The following BCL2 variants were observed in gnomAD, a reference collection of about 807,000 sequenced individuals.
BCL2 encodes BCL2 apoptosis regulator, also known as apoptosis regulator Bcl-2.
In BCL2, 1 loss-of-function variant was observed where a neutral mutation model predicts 14.2. The observed-to-expected ratio is 0.07, with a 90% CI of 0.02 to 0.33. BCL2 has a LOEUF of 0.33. Among genes scored for constraint, BCL2 ranks in the 10% least tolerant of loss-of-function variants. The pLI, the probability that BCL2 is intolerant of heterozygous loss-of-function variation, is 0.99. For missense variants in BCL2, 247 were observed against 305.9 expected, an observed-to-expected ratio of 0.81 and a Z score of 1.44; for synonymous variants, 151 against 137.2, an observed-to-expected ratio of 1.10 and a Z score of -0.70.
intron 2 of BCL2, chr18:63,317,134 T>A (rs1913523130): frequency 1.3e-5 from 2 of 152,152 alleles, no homozygotes; most frequent in Non-Finnish European, 2.9e-5. Flanking sequence ...ATCTCACAAA[T>A]GTTCTTCAAA....
chr18:63,189,096 A>T (rs1339807271), intron 2 of BCL2, among the ~76,000 whole-genome samples: 1 of 151,296 alleles, frequency 6.6e-6, no homozygotes, highest in Non-Finnish European at 1.5e-5. Flanking sequence ...GAAATTACCA[A>T]GACAAAGGCT....
intron 2 of BCL2, among the ~76,000 whole-genome samples, chr18:63,234,979 G>T (rs1377333224): frequency 2.0e-5 from 3 of 152,050 alleles, no homozygotes; most frequent in Admixed American, 6.6e-5. Context: ...ACTCCAATAA[G>T]CCAATAAAGA....
chr18:63,146,260 G>C (rs4987819), intron 2 of BCL2, among the ~76,000 whole-genome samples: 2 of 152,180 alleles, frequency 1.3e-5, no homozygotes, highest in African/African-American at 2.4e-5. Flanking sequence ...AGTGTTGGCC[G>C]AGTGAAACAA....
At chr18:63,211,604 T>C (rs1399909223) in intron 2 of BCL2, among the ~76,000 whole-genome samples, 1 of 152,214 alleles carries the variant, frequency 6.6e-6, no homozygotes, top group Non-Finnish European at 1.5e-5. Context: ...TTTATTTTGG[T>C]GCATGGGCGG....
At chr18:63,132,778 T>G (rs1296196704) in intron 2 of BCL2, among the ~76,000 whole-genome samples, 1 of 152,236 alleles carries the variant, frequency 6.6e-6, no homozygotes, top group Non-Finnish European at 1.5e-5. Flanking sequence ...CAGTCTGTCA[T>G]TATTTGTTTG....
At chr18:63,185,422 T>A (rs922171049) in intron 2 of BCL2, among the ~76,000 whole-genome samples, 2 of 152,170 alleles carry the variant, frequency 1.3e-5, no homozygotes, top group South Asian at 2.1e-4. Context: ...AAAAAAAGTG[T>A]CCTTACAAAT....
intron 2 of BCL2, among the ~76,000 whole-genome samples, chr18:63,267,054 A>T (rs1484587133): frequency 6.6e-6 from 1 of 152,164 alleles, no homozygotes; most frequent in Non-Finnish European, 1.5e-5. Flanking sequence ...GCTTGTGCAA[A>T]GGTCAGGAGG....
At chr18:63,314,589 AGACATGAAGCT>A in intron 2 of BCL2, 1 of 152,192 alleles carries the variant, frequency 6.6e-6, no homozygotes, top group African/African-American at 2.4e-5. Context: ...CTCTCTCCTA[AGACATGAAGCT>A]GAATGTCGTC....
chr18:63,267,508 A>G (rs1911866676), intron 2 of BCL2, among the ~76,000 whole-genome samples: 1 of 152,184 alleles, frequency 6.6e-6, no homozygotes, highest in South Asian at 2.1e-4. Context: ...TGACCTCATC[A>G]GTTTGGAGGA....
intron 2 of BCL2, among the ~76,000 whole-genome samples, chr18:63,260,938 C>T (rs1378245577): frequency 1.3e-5 from 2 of 152,140 alleles, no homozygotes; most frequent in East Asian, 1.9e-4. Context: ...AGCCACTCTG[C>T]AGTACAAATC....
intron 2 of BCL2, among the ~76,000 whole-genome samples, chr18:63,200,423 C>T (rs982980761): frequency 6.6e-6 from 1 of 152,210 alleles, no homozygotes; most frequent in Non-Finnish European, 1.5e-5. Context: ...CATCTGACCC[C>T]TTACACTTTG....
At chr18:63,170,943 G>A (rs772119506) in intron 2 of BCL2, among the ~76,000 whole-genome samples, 12 of 152,202 alleles carry the variant, frequency 7.9e-5, no homozygotes, top group Non-Finnish European at 1.2e-4. Flanking sequence ...TCAGGTAGAC[G>A]CCAATGTTTT....
intron 2 of BCL2, chr18:63,315,381 AGTCTTC>A (rs1913463312): frequency 2.0e-5 from 3 of 152,234 alleles, no homozygotes; most frequent in Non-Finnish European, 2.9e-5. Context: ...TTTAATTTGT[AGTCTTC>A]TGGGACAATC....
At chr18:63,287,761 A>C (rs1194093437) in intron 2 of BCL2, among the ~76,000 whole-genome samples, 1 of 152,250 alleles carries the variant, frequency 6.6e-6, no homozygotes, top group African/African-American at 2.4e-5. Context: ...TAAAAAAATA[A>C]TAAAATAATT....
At chr18:63,294,363 T>TA (rs1418952049) in intron 2 of BCL2, among the ~76,000 whole-genome samples, 3 of 152,128 alleles carry the variant, frequency 2.0e-5, no homozygotes, top group Non-Finnish European at 4.4e-5. Context: ...CCAATTAAAA[T>TA]AAATTCTTTA....
chr18:63,202,931 T>C (rs4987781), intron 2 of BCL2, among the ~76,000 whole-genome samples: 149,424 of 152,292 alleles, frequency 0.98, 73,354 homozygotes, highest in East Asian at 1. Context: ...GGAGTGGATT[T>C]CTTCTCCTCT....
intron 2 of BCL2, among the ~76,000 whole-genome samples, chr18:63,240,439 C>A (rs561391955): frequency 3.0e-4 from 45 of 152,296 alleles, no homozygotes; most frequent in Non-Finnish European, 6.0e-4. Flanking sequence ...ATAAAGGAAG[C>A]CTTCCTTCAA....
At chr18:63,174,882 TC>T (rs1007647057) in intron 2 of BCL2, among the ~76,000 whole-genome samples, 9 of 147,846 alleles carry the variant, frequency 6.1e-5, no homozygotes, top group Non-Finnish European at 1.0e-4. Flanking sequence ...CTCTCTGTCA[TC>T]TCCCCCAAAA....
intron 2 of BCL2, among the ~76,000 whole-genome samples, chr18:63,169,356 T>TCCTC (rs1343409064): frequency 2.8e-4 from 18 of 63,342 alleles, no homozygotes; most frequent in African/African-American, 1.4e-3. Context: ...TTTCTTTCTT[T>TCCTC]CTTTCTTTCT....
Sources: allele counts gnomAD v4.1 joint callset (sites outside exome capture counted in the v4.1 genomes callset), GRCh38; gene constraint gnomAD v4.1.1; transcripts MANE v1.5; gene names NCBI Gene and HGNC (gene_info 2026-07-23, HGNC 2026-07-21).